SKIC3: variants seen among roughly 807,000 people sequenced by gnomAD.
SKIC3 encodes superkiller complex protein 3.
chr5:95,510,261 C>A, the SKIC3 span, among the ~76,000 whole-genome samples: 1 of 152,218 alleles, frequency 6.6e-6, no homozygotes, highest in Admixed American at 6.5e-5. Flanking sequence ...TTGCTTCTAA[C>A]CTCCATGCTG....
the SKIC3 span, among the ~76,000 whole-genome samples, chr5:95,541,062 G>A: frequency 1.3e-5 from 2 of 152,132 alleles, no homozygotes; most frequent in African/African-American, 2.4e-5. Context: ...TGCCTCCTGG[G>A]TTGAAGCAAT....
the SKIC3 span, among the ~76,000 whole-genome samples, chr5:95,465,357 T>C: frequency 2.0e-3 from 312 of 152,332 alleles, no homozygotes; most frequent in Non-Finnish European, 1.9e-3. Context: ...CAAATGAAAT[T>C]GTTCCTCTTT....
At chr5:95,497,261 T>A in the SKIC3 span, among the ~76,000 whole-genome samples, 1 of 152,246 alleles carries the variant, frequency 6.6e-6, no homozygotes, top group Non-Finnish European at 1.5e-5. Flanking sequence ...AGTCTAGTAT[T>A]CGTTGAATGA....
the SKIC3 span, chr5:95,524,553 T>G: frequency 1.2e-6 from 2 of 1,613,772 alleles, no homozygotes; most frequent in Non-Finnish European, 8.5e-7. Flanking sequence ...GTAATGATAT[T>G]CTGCAACTTC....
At chr5:95,525,267 T>C in the SKIC3 span, 3 of 854,376 alleles carry the variant, frequency 3.5e-6, no homozygotes, top group African/African-American at 5.2e-5. Flanking sequence ...TTTAAAATAC[T>C]AAAACTTAAA....
the SKIC3 span, among the ~76,000 whole-genome samples, chr5:95,497,035 T>C: frequency 6.6e-6 from 1 of 152,224 alleles, no homozygotes; most frequent in East Asian, 1.9e-4. Context: ...CTGCCTTATC[T>C]TTAAGCTGAT....
chr5:95,476,977 A>G, the SKIC3 span, among the ~76,000 whole-genome samples: 2 of 152,214 alleles, frequency 1.3e-5, no homozygotes, highest in Non-Finnish European at 2.9e-5. Context: ...TCCAGGTCAG[A>G]TTTAATTTCC....
chr5:95,540,560 A>T, the SKIC3 span: 14 of 1,179,448 alleles, frequency 1.2e-5, no homozygotes, highest in African/African-American at 1.7e-4. Flanking sequence ...AAATGAACAC[A>T]TGAAAAGATG....
chr5:95,490,778 G>A, the SKIC3 span: 9 of 1,218,176 alleles, frequency 7.4e-6, no homozygotes, highest in South Asian at 3.9e-5. Context: ...GATTACAGGC[G>A]TGAGCCACCA....
the SKIC3 span, among the ~76,000 whole-genome samples, chr5:95,525,988 C>G: frequency 6.6e-6 from 1 of 152,134 alleles, no homozygotes; most frequent in Admixed American, 6.5e-5. Context: ...CACTTCTGCT[C>G]AGATGATTTT....
the SKIC3 span, chr5:95,525,717 C>A: frequency 4.5e-6 from 7 of 1,562,846 alleles, no homozygotes; most frequent in Non-Finnish European, 6.2e-6. Context: ...TCCTTCAACA[C>A]AACCACAGCA....
chr5:95,507,019 A>G, the SKIC3 span: 1 of 1,611,256 alleles, frequency 6.2e-7, no homozygotes. Context: ...GCCCTTAAAA[A>G]AAAAAAGGTA....
chr5:95,471,873 T>C, the SKIC3 span, among the ~76,000 whole-genome samples: 1 of 152,176 alleles, frequency 6.6e-6, no homozygotes, highest in Non-Finnish European at 1.5e-5. Context: ...CCCAGCAACA[T>C]AAGCTGTGGG....
chr5:95,502,886 A>G, the SKIC3 span: 1 of 1,613,660 alleles, frequency 6.2e-7, no homozygotes. Flanking sequence ...ATACCATTTA[A>G]ATAGCAATGT....
At chr5:95,469,659 C>A in the SKIC3 span, 1 of 1,373,238 alleles carries the variant, frequency 7.3e-7, no homozygotes, top group East Asian at 2.3e-5. Context: ...ATAAATACCC[C>A]CCAAAGTTTG....
At chr5:95,491,659 C>G in the SKIC3 span, among the ~76,000 whole-genome samples, 5 of 152,084 alleles carry the variant, frequency 3.3e-5, no homozygotes, top group African/African-American at 1.2e-4. Context: ...TGGAAGGGAA[C>G]TTTTTATGCA....
the SKIC3 span, among the ~76,000 whole-genome samples, chr5:95,546,242 C>T: frequency 6.6e-6 from 1 of 151,206 alleles, no homozygotes; most frequent in African/African-American, 2.4e-5. Flanking sequence ...GCGGAGTTCA[C>T]TAATTTCACT....
the SKIC3 span, chr5:95,542,006 T>TCA: frequency 1.3e-6 from 1 of 769,798 alleles, no homozygotes; most frequent in Non-Finnish European, 2.1e-6. Context: ...ATAAAGATTA[T>TCA]TTCTGAAAAA....
chr5:95,517,031 G>A, the SKIC3 span: 2 of 1,613,632 alleles, frequency 1.2e-6, no homozygotes, highest in Non-Finnish European at 1.7e-6. Flanking sequence ...ATTAGATGTA[G>A]ACATCAGTTT....
Sources: allele counts gnomAD v4.1 joint callset (sites outside exome capture counted in the v4.1 genomes callset), GRCh38; gene constraint gnomAD v4.1.1; transcripts MANE v1.5; gene names NCBI Gene and HGNC (gene_info 2026-07-23, HGNC 2026-07-21).